Variants in SCN7A observed in about 807,000 individuals in gnomAD.
SCN7A encodes the protein sodium voltage-gated channel alpha subunit 7, also known as sodium channel protein type 7 subunit alpha.
Under a neutral mutation model 155.2 loss-of-function variants are expected in SCN7A, and 138 were observed. The ratio of observed to expected loss-of-function variants is 0.89; its 90% CI spans 0.77 to 1.02. The LOEUF (loss-of-function observed/expected upper bound fraction) is 1.02. Among genes scored for constraint, SCN7A ranks in the 50% least tolerant of loss-of-function variants. The pLI, the probability that SCN7A is intolerant of heterozygous loss-of-function variation, is 0.00. For synonymous variants in SCN7A, 693 were observed against 649.0 expected, an observed-to-expected ratio of 1.07 and a Z score of -1.03; for missense variants, 2,058 against 1,986.6, an observed-to-expected ratio of 1.04 and a Z score of -0.68.
Position 166,406,295 on chromosome 2 carries a change from T to C in SCN7A, c.4334A>G (p.Asn1445Ser), listed in dbSNP as rs564818692. Residue 1445 changes from asparagine to serine, a missense_variant, in exon 26 of 26, where the codon AAC (asparagine) becomes AGC (serine). Physicochemically the swap from Asn to Ser is conservative, Grantham distance 46. Transcript: ENST00000643258. ...AGGATCACAGTCAGACCATTTACTGTTGAAAATTGCATCAAGCATCCCATC... is the reference window on the plus strand; with the variant it reads ...AGGATCACAGTCAGACCATTTACTGCTGAAAATTGCATCAAGCATCCCATC... ...GWDGMLDAIF[N>S]SKWSDCDPDK... 93 of 1,612,992 alleles carry C rather than the reference T, an allele frequency of 5.8e-5. No individual in the cohort carries two copies. In the South Asian group the frequency reaches 8.9e-4, roughly 15 times the overall value.
intron 15 of SCN7A, among the ~76,000 whole-genome samples, chr2:166,435,674 A>G (rs997512742): frequency 3.3e-5 from 5 of 152,190 alleles, no homozygotes; most frequent in Non-Finnish European, 5.9e-5. Context: ...TTCTTGAGTT[A>G]CATCTTAACA....
chr2:166,483,033 T>C (rs961910775), intron 2 of SCN7A, among the ~76,000 whole-genome samples: 3 of 152,052 alleles, frequency 2.0e-5, no homozygotes, highest in African/African-American at 4.8e-5. Context: ...AGTAAGCTTT[T>C]GGCAATAATT....
chr2:166,476,312 ATG>A (rs1702796118), intron 3 of SCN7A, among the ~76,000 whole-genome samples: 1 of 151,960 alleles, frequency 6.6e-6, no homozygotes, highest in Non-Finnish European at 1.5e-5. Context: ...CATCCAGAGA[ATG>A]TGGTGCAATT....
At chr2:166,436,408 C>G in intron 15 of SCN7A, 1 of 442,538 alleles carries the variant, frequency 2.3e-6, no homozygotes. Flanking sequence ...CCTCTTCCAC[C>G]GTGATTGTAA....
At chr2:166,445,713 G>A (rs1375604024) in intron 12 of SCN7A, among the ~76,000 whole-genome samples, 1 of 151,968 alleles carries the variant, frequency 6.6e-6, no homozygotes, top group Non-Finnish European at 1.5e-5. Context: ...GGATGAAGCT[G>A]ACTTGATCAT....
In SCN7A at chr2:166,405,630, C is replaced by T; in HGVS notation, c.4999G>A (p.Ala1667Thr). The T allele has an allele frequency of 6.2e-7, 1 of 1,607,090 alleles. No homozygotes were observed. Among genetic ancestry groups the T allele is most frequent in the East Asian group, 2.2e-5 (1 of 44,782 alleles). ...DRDVHATKEGAYFDKAKEKSP... is the reference protein window; with the variant it reads ...DRDVHATKEGTYFDKAKEKSP... ...TTTTCCTTAGCTTTGTCAAAATAGG[C>T]ACCTTCTTTAGTAGCATGAACATCT... The change falls in exon 26 of 26, where the codon GCC (alanine) becomes ACC (threonine). Residue 1667 changes from alanine (A) to threonine (T), a missense_variant. Ala to Thr is a moderately conservative substitution (Grantham distance 58). Coordinates refer to ENST00000643258, the MANE Select transcript of SCN7A (RefSeq NM_002976.4).
chr2:166,457,046 T>C lies in SCN7A; in HGVS notation c.1114A>G (p.Ile372Val), dbSNP rs1013454471. 1.9e-6 allele frequency: 3 copies of C among 1,609,794 alleles called. No individual in the cohort carries two copies. In the African/African-American group the frequency reaches 4.0e-5, roughly 22 times the overall value. Residue 372 changes from isoleucine (I) to valine (V), a missense_variant, in exon 11 of 26, where the codon ATA (isoleucine) becomes GTA (valine). Transcript: ENST00000643258. ...AAAAAACTTACCACCACAAAAAATA[T>C]CATGTAGACCTTCCCAGAAGCATAA... ...ILYASGKVYM[I>V]FFVVVSFLFS... is the part of the protein sequence containing the mutation.
intron 10 of SCN7A, among the ~76,000 whole-genome samples, chr2:166,457,343 T>G (rs1013925354): frequency 6.6e-6 from 1 of 152,218 alleles, no homozygotes; most frequent in Non-Finnish European, 1.5e-5. Flanking sequence ...AGTATTCGAT[T>G]TTTATGTCTT....
intron 21 of SCN7A, among the ~76,000 whole-genome samples, chr2:166,413,403 T>C (rs1701245307): frequency 6.6e-6 from 1 of 152,092 alleles, no homozygotes; most frequent in Non-Finnish European, 1.5e-5. Flanking sequence ...CATGCGGCCA[T>C]GTGTCATGGT....
At position 166,462,238 on chromosome 2, in the gene SCN7A, T is replaced by C. The variant is rs956459208; in HGVS notation, c.1083+151A>G. On this transcript the variant is annotated intron_variant, in intron 10 of 25. Coordinates refer to ENST00000643258, the MANE Select transcript of SCN7A (RefSeq NM_002976.4). Reference sequence around the variant, plus strand: ...CCTGGCAATGTGGCCAGCATATAATTTGACATTCAGTAATTCTAGTTCTCT... The same window carrying C: ...CCTGGCAATGTGGCCAGCATATAATCTGACATTCAGTAATTCTAGTTCTCT... The C allele has an allele frequency of 5.1e-6, 4 of 791,580 alleles. No individual in the cohort carries two copies. The Admixed American group carries it at 8.9e-5, about 18-fold the overall frequency. 49.0% of individuals were successfully genotyped at this position (791,580 alleles called of 1,614,324 possible). A position where few individuals can be genotyped will look rare whatever the true frequency, so the allele number is the denominator to read the frequency against.
Position 166,413,011 on chromosome 2 carries a change from T to C in SCN7A, c.3468+57A>G. On this transcript the variant is annotated intron_variant, in intron 22 of 25. Transcript: ENST00000643258. ...TATTACTGGTGTCCTGTGCTCGAAT[T>C]GCAAAAATGACTTTGCTTGTATCCT... 6 of 1,249,498 alleles carry C rather than the reference T, an allele frequency of 4.8e-6. No homozygotes were observed. In the South Asian group the frequency reaches 8.4e-5, roughly 17 times the overall value. The allele number at this position is 1,249,498 out of a possible 1,614,324, so 77.4% of individuals were successfully genotyped here.
chr2:166,438,595 A>C (rs540924479), intron 15 of SCN7A, among the ~76,000 whole-genome samples: 20 of 152,300 alleles, frequency 1.3e-4, no homozygotes, highest in African/African-American at 4.8e-4. Flanking sequence ...ATCACTGCTG[A>C]GTTTTCTTAG....
intron 18 of SCN7A, among the ~76,000 whole-genome samples, chr2:166,423,705 C>T (rs1484267887): frequency 1.3e-5 from 2 of 151,962 alleles, no homozygotes; most frequent in African/African-American, 4.8e-5. Context: ...TTTTAAATAG[C>T]GATCCAAAAA....
chr2:166,441,777 A>G, intron 14 of SCN7A, 25 bp from the exon 15 acceptor site: 1 of 1,546,688 alleles, frequency 6.5e-7, no homozygotes, highest in Non-Finnish European at 8.7e-7. Flanking sequence ...TAAAATCAAG[A>G]ACAAGAAACA....
At chr2:166,438,608 G>T (rs959681707) in intron 15 of SCN7A, among the ~76,000 whole-genome samples, 1 of 152,118 alleles carries the variant, frequency 6.6e-6, no homozygotes, top group African/African-American at 2.4e-5. Flanking sequence ...TTTCTTAGAA[G>T]AGTAAGACAA....
intron 1 of SCN7A, among the ~76,000 whole-genome samples, chr2:166,487,442 A>C (rs1315659066): frequency 1.3e-5 from 2 of 152,084 alleles, no homozygotes; most frequent in Non-Finnish European, 2.9e-5. Context: ...CCTGTCCCTC[A>C]GTTTTATTTC....
intron 10 of SCN7A, chr2:166,462,152 T>TTCTC (rs138547688): frequency 5.8e-6 from 2 of 342,864 alleles, no homozygotes; most frequent in South Asian, 9.6e-5. Flanking sequence ...CTCTCCTCTC[T>TTCTC]TCTCTCTCTC....
At chr2:166,431,149 C>T (rs1209223829) in intron 16 of SCN7A, among the ~76,000 whole-genome samples, 1 of 151,974 alleles carries the variant, frequency 6.6e-6, no homozygotes, top group East Asian at 1.9e-4. Context: ...GCAATTTCAC[C>T]CAGAAATGGA....
intron 20 of SCN7A, among the ~76,000 whole-genome samples, chr2:166,419,777 G>A (rs1701473495): frequency 6.6e-6 from 1 of 152,062 alleles, no homozygotes; most frequent in African/African-American, 2.4e-5. Flanking sequence ...CCACCTTGTG[G>A]ATCTTCATGA....
Sources: allele counts gnomAD v4.1 joint callset (sites outside exome capture counted in the v4.1 genomes callset), GRCh38; gene constraint gnomAD v4.1.1; transcripts MANE v1.5; gene names NCBI Gene and HGNC (gene_info 2026-07-23, HGNC 2026-07-21).